The following UBE2U variants were observed in gnomAD, a reference collection of about 807,000 sequenced individuals.
The protein encoded by UBE2U is ubiquitin-conjugating enzyme E2 U.
In UBE2U, 39 loss-of-function variants were observed where a neutral mutation model predicts 41.2. The observed-to-expected ratio is 0.95, with a 90% CI of 0.73 to 1.24. The LOEUF (loss-of-function observed/expected upper bound fraction) is 1.24, where lower values mean the gene tolerates loss of function less well. Ranked by LOEUF, UBE2U falls within the 50% of genes most tolerant of loss-of-function variation. The pLI is 0.00. For missense variants in UBE2U, 336 were observed against 363.1 expected, an observed-to-expected ratio of 0.93 and a Z score of 0.61; for synonymous variants, 107 against 117.8, an observed-to-expected ratio of 0.91 and a Z score of 0.60.
At chr1:64,249,990 T>C (rs527493488) in intron 8 of UBE2U, among the ~76,000 whole-genome samples, 1 of 151,818 alleles carries the variant, frequency 6.6e-6, no homozygotes, top group African/African-American at 2.4e-5. Flanking sequence ...AACTCAGAAA[T>C]GAAGAGAAAA....
intron 9 of UBE2U, among the ~76,000 whole-genome samples, chr1:64,261,365 C>T (rs1645178062): frequency 6.6e-6 from 1 of 152,102 alleles, no homozygotes; most frequent in Admixed American, 6.6e-5. Context: ...TGCCCTTACT[C>T]ACAGGATTCT....
rs1645264744 is a variant in UBE2U, at chr1:64,267,029, A to T, written c.775A>T (p.Ile259Phe). 1.3e-6 allele frequency: 2 copies of T among 1,547,420 alleles called. No homozygotes were observed. The highest frequency in any genetic ancestry group is 2.4e-5 in the South Asian group (2 of 82,902). Residue 259 changes from isoleucine to phenylalanine, a missense_variant, in exon 10 of 10, where the codon ATT (isoleucine) becomes TTT (phenylalanine). Ile to Phe is a conservative substitution (Grantham distance 21). Coordinates refer to ENST00000371077, the MANE Select transcript of UBE2U (RefSeq NM_001366232.2). ...EIKLCPTLNE[I>F]FLESPTAINS... Reference sequence around the variant, plus strand: ...TTTTATAATTCCCACCACAGATGAAATTTTTCTTGAGTCACCAACTGCAAT... The same window carrying T: ...TTTTATAATTCCCACCACAGATGAATTTTTTCTTGAGTCACCAACTGCAAT...
At chr1:64,211,772 C>G (rs1352221958) in intron 4 of UBE2U, among the ~76,000 whole-genome samples, 1 of 152,148 alleles carries the variant, frequency 6.6e-6, no homozygotes, top group African/African-American at 2.4e-5. Flanking sequence ...CTTAAAAATG[C>G]CTCCTTTCTC....
In UBE2U at chr1:64,204,010, G is replaced by T; in HGVS notation, c.-41G>T. 6.3e-7 allele frequency: 1 copy of T among 1,599,646 alleles called. No homozygotes were observed. Among genetic ancestry groups the T allele is most frequent in the South Asian group, 1.1e-5 (1 of 89,630 alleles). On this transcript the variant is annotated 5_prime_UTR_variant, in exon 1 of 10. Coordinates refer to ENST00000371077, the MANE Select transcript of UBE2U (RefSeq NM_001366232.2). ...CAAACATCTGCCTCAGAGTAAACCT[G>T]AGGCATTTGGGGACAAGTGTCAGAC... is the stretch of plus-strand genomic sequence containing the variant.
intron 7 of UBE2U, among the ~76,000 whole-genome samples, chr1:64,239,090 G>GAAAGAAGAAGAAGAAGAAGAAGAAGAAGA (rs1557729590): frequency 2.1e-4 from 10 of 48,130 alleles, no homozygotes; most frequent in African/African-American, 8.2e-4. Context: ...GGAAGAGGAA[G>GAAAGAAGAAGAAGAAGAAGAAGAAGAAGA]AGGAAGAAGA....
At chr1:64,217,463 T>C (rs1225121007) in intron 5 of UBE2U, among the ~76,000 whole-genome samples, 1 of 152,246 alleles carries the variant, frequency 6.6e-6, no homozygotes, top group Non-Finnish European at 1.5e-5. Flanking sequence ...TGAGCAATTA[T>C]CTGCCCCTTT....
intron 9 of UBE2U, among the ~76,000 whole-genome samples, chr1:64,264,350 C>T (rs1284587432): frequency 1.3e-5 from 2 of 152,058 alleles, no homozygotes; most frequent in African/African-American, 4.8e-5. Context: ...TAACAAAATC[C>T]CCACCTTTAT....
chr1:64,214,794 G>A, intron 4 of UBE2U, 21 bp from the exon 5 acceptor site: 2 of 1,596,598 alleles, frequency 1.3e-6, no homozygotes, highest in South Asian at 1.1e-5. Context: ...GAAATTATAT[G>A]TTGTCTGTGT....
chr1:64,206,310 G>T (rs1401522226), intron 2 of UBE2U, among the ~76,000 whole-genome samples: 2 of 151,992 alleles, frequency 1.3e-5, no homozygotes, highest in Non-Finnish European at 2.9e-5. Context: ...AGAGGAAGAG[G>T]ATTAGTTAAT....
intron 7 of UBE2U, among the ~76,000 whole-genome samples, chr1:64,240,736 T>C (rs1644821410): frequency 6.6e-6 from 1 of 152,180 alleles, no homozygotes; most frequent in Non-Finnish European, 1.5e-5. Flanking sequence ...TTATTGTTGC[T>C]CAAAACAAAA....
At chr1:64,261,580 C>G (rs1320462703) in intron 9 of UBE2U, among the ~76,000 whole-genome samples, 1 of 152,186 alleles carries the variant, frequency 6.6e-6, no homozygotes, top group African/African-American at 2.4e-5. Context: ...GTATCCACCT[C>G]TCTCCCTCCT....
At chr1:64,232,285 C>T (rs1047615324) in intron 6 of UBE2U, among the ~76,000 whole-genome samples, 11 of 152,116 alleles carry the variant, frequency 7.2e-5, no homozygotes, top group Admixed American at 4.6e-4. Flanking sequence ...AGGCAGATGT[C>T]TTAAACCTGT....
At chr1:64,247,287 G>T (rs1318268875) in intron 8 of UBE2U, among the ~76,000 whole-genome samples, 1 of 152,014 alleles carries the variant, frequency 6.6e-6, no homozygotes, top group Non-Finnish European at 1.5e-5. Flanking sequence ...AAATCCAGTG[G>T]AACCACCCCT....
At chr1:64,215,774 G>A (rs1651963822) in intron 5 of UBE2U, among the ~76,000 whole-genome samples, 1 of 152,166 alleles carries the variant, frequency 6.6e-6, no homozygotes, top group Admixed American at 6.5e-5. Flanking sequence ...CCTGCCAGCA[G>A]CCTCGTTATG....
intron 8 of UBE2U, among the ~76,000 whole-genome samples, chr1:64,252,891 A>G (rs921745335): frequency 1.3e-5 from 2 of 152,206 alleles, no homozygotes; most frequent in African/African-American, 4.8e-5. Flanking sequence ...CAGCAAGGGT[A>G]CAGAACTGGG....
chr1:64,238,626 G>C (rs1257545286), intron 7 of UBE2U, among the ~76,000 whole-genome samples: 30 of 151,876 alleles, frequency 2.0e-4, no homozygotes, highest in Admixed American at 2.0e-3. Flanking sequence ...GAAAATTAAG[G>C]AACAGACAAA....
chr1:64,212,828 T>C (rs2100271517), intron 4 of UBE2U, among the ~76,000 whole-genome samples: 1 of 152,298 alleles, frequency 6.6e-6, no homozygotes, highest in South Asian at 2.1e-4. Context: ...AACCTCTAGT[T>C]AGTTAACATT....
In UBE2U at chr1:64,229,621, G is replaced by A. The variant is rs536814728; in HGVS notation, c.507-2940G>A. 7.2e-5 allele frequency among the ~76,000 whole-genome samples: 11 copies of A among 152,274 alleles called. No homozygotes were observed. In the East Asian group the frequency reaches 2.1e-3, roughly 29 times the overall value. On this transcript the variant is annotated intron_variant, in intron 6 of 9. Transcript: ENST00000371077. Reference sequence around the variant, plus strand: ...GAGTATCCATGATACTAAACAACTAGGTCATGATGGACAGGAAGGTTCCAA... The same window carrying A: ...GAGTATCCATGATACTAAACAACTAAGTCATGATGGACAGGAAGGTTCCAA...
At chr1:64,231,993 C>T (rs372568910) in intron 6 of UBE2U, among the ~76,000 whole-genome samples, 1 of 152,202 alleles carries the variant, frequency 6.6e-6, no homozygotes. Flanking sequence ...AATCTTTGCT[C>T]TCCATTAGGA....
Sources: allele counts gnomAD v4.1 joint callset (sites outside exome capture counted in the v4.1 genomes callset), GRCh38; gene constraint gnomAD v4.1.1; transcripts MANE v1.5; gene names NCBI Gene and HGNC (gene_info 2026-07-23, HGNC 2026-07-21).